Variants in ADGRB3 observed in about 807,000 individuals in gnomAD.
The protein encoded by ADGRB3 is brain-specific angiogenesis inhibitor 3.
In ADGRB3, 37 loss-of-function variants were observed where a neutral mutation model predicts 193.4. That is an observed-to-expected ratio of 0.19 (90% CI 0.15 to 0.25). The LOEUF (loss-of-function observed/expected upper bound fraction) is 0.25, where lower values mean the gene tolerates loss of function less well. ADGRB3 is among the 10% of genes least tolerant of loss of function. The probability of loss-of-function intolerance (pLI) is 1.00; values close to 1 mark genes in which losing one functional copy is unlikely to be tolerated. For missense variants in ADGRB3, 1,637 were observed against 1,852.9 expected, an observed-to-expected ratio of 0.88 and a Z score of 2.14; for synonymous variants, 690 against 644.2, an observed-to-expected ratio of 1.07 and a Z score of -1.08.
At chr6:68,869,118 A>C (rs1307050454) in intron 3 of ADGRB3, among the ~76,000 whole-genome samples, 5 of 152,196 alleles carry the variant, frequency 3.3e-5, no homozygotes, top group Non-Finnish European at 5.9e-5. Flanking sequence ...GCTAAAGTAC[A>C]TTAGAGAGAA....
At chr6:68,848,800 A>C in intron 3 of ADGRB3, among the ~76,000 whole-genome samples, 1 of 152,036 alleles carries the variant, frequency 6.6e-6, no homozygotes, top group Non-Finnish European at 1.5e-5. Flanking sequence ...TCTCAGGTAC[A>C]GTCCTATCAA....
chr6:69,279,476 A>T (rs1767386316), intron 20 of ADGRB3, among the ~76,000 whole-genome samples: 1 of 148,478 alleles, frequency 6.7e-6, no homozygotes, highest in Non-Finnish European at 1.5e-5. Flanking sequence ...GTGTGTGTGT[A>T]TTTACCTAGC....
At chr6:69,185,894 T>C (rs1765056067) in intron 17 of ADGRB3, among the ~76,000 whole-genome samples, 1 of 152,098 alleles carries the variant, frequency 6.6e-6, no homozygotes, top group South Asian at 2.1e-4. Context: ...AAAAAATCTG[T>C]GTATTAAGTC....
chr6:68,669,540 C>G (rs1768890573), intron 3 of ADGRB3, among the ~76,000 whole-genome samples: 1 of 151,258 alleles, frequency 6.6e-6, no homozygotes, highest in African/African-American at 2.4e-5. Flanking sequence ...ATAATGATCT[C>G]CAGTCTCACC....
chr6:68,892,631 T>C (rs1302947839), intron 3 of ADGRB3, among the ~76,000 whole-genome samples: 1 of 152,182 alleles, frequency 6.6e-6, no homozygotes, highest in Non-Finnish European at 1.5e-5. Flanking sequence ...ACATTTCTCA[T>C]ACCTCTCAGA....
At chr6:68,808,642 A>T (rs1004227297) in intron 3 of ADGRB3, among the ~76,000 whole-genome samples, 3 of 152,176 alleles carry the variant, frequency 2.0e-5, no homozygotes, top group Admixed American at 2.0e-4. Context: ...GTTTTGAAAA[A>T]TCCAAGAAAT....
chr6:68,802,204 G>GTGTGTGTA lies in ADGRB3; in HGVS notation c.758-128347_758-128340dup, dbSNP rs1582213742. ...TATGCGTGTGTGTGTGTGTGTGTGT[G>GTGTGTGTA]TGTGTGTATGTGTGTGTGTGTACCA... On this transcript the variant is annotated intron_variant, in intron 3 of 31. Coordinates refer to ENST00000370598, the MANE Select transcript of ADGRB3 (RefSeq NM_001704.3). Among the ~76,000 whole-genome samples the GTGTGTGTA allele has an allele frequency of 4.7e-5, 7 of 148,458 alleles. No homozygotes were observed. In the East Asian group the frequency reaches 1.2e-3, roughly 25 times the overall value.
chr6:69,341,744 A>C (rs1768977316), intron 26 of ADGRB3, among the ~76,000 whole-genome samples: 1 of 152,148 alleles, frequency 6.6e-6, no homozygotes, highest in Admixed American at 6.5e-5. Context: ...ATTGCTAATA[A>C]TTAAGTAACA....
Position 69,256,295 on chromosome 6 carries a change from G to A in ADGRB3, c.2814+17069G>A, listed in dbSNP as rs1042436506. On this transcript the variant is annotated intron_variant, in intron 20 of 31. Transcript: ENST00000370598. ...TTGAATCTATAAATTACCTTGGGCC[G>A]TATGGCCATTTTCATGATATTGATT... is the stretch of plus-strand genomic sequence containing the variant. Among the ~76,000 whole-genome samples the A allele has an allele frequency of 7.2e-4, 109 of 152,170 alleles. 1 individual carries two copies. Among genetic ancestry groups the A allele is most frequent in the East Asian group, 6.9e-3 (36 of 5,184 alleles).
intron 20 of ADGRB3, among the ~76,000 whole-genome samples, chr6:69,314,521 A>G (rs1172633843): frequency 1.3e-5 from 2 of 151,638 alleles, no homozygotes; most frequent in African/African-American, 4.8e-5. Context: ...AAGGTTGTGT[A>G]AAGGGTTGAA....
rs925010839 is a variant in ADGRB3, at chr6:69,372,261, A to T, written c.4240-145A>T. 2.4e-5 allele frequency: 10 copies of T among 411,566 alleles called. No individual in the cohort carries two copies. In the South Asian group the frequency reaches 4.1e-4, roughly 17 times the overall value. 25.5% of individuals were successfully genotyped at this position (411,566 alleles called of 1,614,324 possible). A position where few individuals can be genotyped will look rare whatever the true frequency, so the allele number is the denominator to read the frequency against. On this transcript the variant is annotated intron_variant, in intron 29 of 31. Transcript: ENST00000370598. ...CATAAAATTTTTCATGATTCATGAA[A>T]TTTTACATTTTTCCTTATGTGAAGG...
intron 3 of ADGRB3, among the ~76,000 whole-genome samples, chr6:68,832,706 A>G (rs945774461): frequency 6.6e-6 from 1 of 152,162 alleles, no homozygotes; most frequent in African/African-American, 2.4e-5. Context: ...TGTCTTTCTC[A>G]TGGCCACAAA....
intron 3 of ADGRB3, among the ~76,000 whole-genome samples, chr6:68,866,263 A>C: frequency 6.6e-6 from 1 of 152,088 alleles, no homozygotes; most frequent in East Asian, 1.9e-4. Flanking sequence ...TTCTCATGAT[A>C]GTGAGTGAGT....
At chr6:69,003,453 T>G (rs1363224840) in intron 11 of ADGRB3, among the ~76,000 whole-genome samples, 1 of 152,110 alleles carries the variant, frequency 6.6e-6, no homozygotes, top group Admixed American at 6.5e-5. Context: ...CATTTTGTAG[T>G]TAGAGAGCAA....
At chr6:68,838,499 C>T (rs867880020) in intron 3 of ADGRB3, among the ~76,000 whole-genome samples, 11 of 152,168 alleles carry the variant, frequency 7.2e-5, no homozygotes, top group African/African-American at 2.4e-4. Flanking sequence ...TCCCATTCCA[C>T]CATTGCGTCA....
chr6:68,651,993 A>G (rs1472170569), intron 3 of ADGRB3, among the ~76,000 whole-genome samples: 1 of 152,132 alleles, frequency 6.6e-6, no homozygotes, highest in Admixed American at 6.6e-5. Flanking sequence ...AACAAAATTC[A>G]TAATTTATCT....
intron 3 of ADGRB3, among the ~76,000 whole-genome samples, chr6:68,882,324 A>G (rs1304450438): frequency 1.3e-5 from 2 of 152,212 alleles, no homozygotes; most frequent in Non-Finnish European, 2.9e-5. Flanking sequence ...TTGCATACAA[A>G]TAATAAGTAT....
intron 17 of ADGRB3, among the ~76,000 whole-genome samples, chr6:69,085,397 A>T (rs1582449560): frequency 6.6e-6 from 1 of 152,108 alleles, no homozygotes; most frequent in East Asian, 1.9e-4. Flanking sequence ...ATTAATGGGT[A>T]TAGTATTAAT....
rs1323726514 is a variant in ADGRB3, at chr6:68,638,702, T to G, written c.27T>G (p.Ile9Met). Residue 9 changes from isoleucine (I) to methionine (M), a missense_variant, in exon 3 of 32, where the codon ATT becomes ATG. Physicochemically the swap from Ile to Met is conservative, Grantham distance 10 (BLOSUM62 1). Around this residue, in one of 7 missense-constraint regions of ADGRB3, gnomAD observed 365 missense variants for 409.8 expected, o/e 0.89. Coordinates refer to ENST00000370598, the MANE Select transcript of ADGRB3 (RefSeq NM_001704.3). MKAVRNLL[I>M]YIFSTYLLVM... is the part of the protein sequence containing the mutation. ...TGAAGGCTGTTCGTAACCTGCTGAT[T>G]TATATATTTTCCACCTATCTCCTGG... 1.9e-6 allele frequency: 3 copies of G among 1,613,850 alleles called. No homozygotes were observed. Among genetic ancestry groups the G allele is most frequent in the Non-Finnish European group, 2.5e-6 (3 of 1,179,970 alleles).
Sources: gnomAD v4.1 joint callset for allele counts (sites outside exome capture counted in the v4.1 genomes callset) on GRCh38, gnomAD v4.1.1 for gene constraint, gnomAD v4.1.1 regional missense constraint, MANE v1.5 for transcripts, NCBI Gene and HGNC (gene_info 2026-07-23, HGNC 2026-07-21) for gene names.